The following LRRC7 variants were observed in gnomAD, a reference collection of about 807,000 sequenced individuals.
The protein encoded by LRRC7 is leucine-rich repeat-containing protein 7.
LRRC7 carries 23 observed loss-of-function variants against 175.7 expected under a neutral mutation model. The ratio of observed to expected loss-of-function variants is 0.13; its 90% CI spans 0.09 to 0.19. LRRC7 has a LOEUF of 0.19. Among genes scored for constraint, LRRC7 ranks in the 10% least tolerant of loss-of-function variants. LRRC7 has a pLI of 1.00. For missense variants in LRRC7, 1,354 were observed against 1,904.7 expected (o/e 0.71, Z 5.38); for synonymous variants, 685 against 680.9 (o/e 1.01, Z -0.09).
chr1:69,892,960 G>T (rs11579093), intron 7 of LRRC7, among the ~76,000 whole-genome samples: 2 of 151,880 alleles, frequency 1.3e-5, no homozygotes, highest in South Asian at 4.1e-4. Context: ...TTACCTCCAA[G>T]GCACTTGATT....
Position 69,834,705 on chromosome 1 carries a change from C to T in LRRC7, c.501-75C>T, listed in dbSNP as rs1680914453. On this transcript the variant is annotated intron_variant, in intron 5 of 26. Coordinates refer to ENST00000651989, the MANE Select transcript of LRRC7 (RefSeq NM_001370785.2). ...GTATTACATTTCTATTTTTTCTCCTCAGAGATACATATTTTTTTTGTTCTG... is the reference window on the plus strand; with the variant it reads ...GTATTACATTTCTATTTTTTCTCCTTAGAGATACATATTTTTTTTGTTCTG... 5 of 1,069,300 alleles carry T rather than the reference C, an allele frequency of 4.7e-6. No homozygotes were observed. The Admixed American group carries it at 7.6e-5, about 16-fold the overall frequency. 66.2% of individuals were successfully genotyped at this position (1,069,300 alleles called of 1,614,324 possible).
At chr1:69,682,818 T>A (rs1051025477) in intron 2 of LRRC7, among the ~76,000 whole-genome samples, 1 of 152,166 alleles carries the variant, frequency 6.6e-6, no homozygotes, top group Non-Finnish European at 1.5e-5. Context: ...TTCCTGATTT[T>A]TCTATAGTCC....
intron 3 of LRRC7, among the ~76,000 whole-genome samples, chr1:69,762,594 A>T (rs1007053395): frequency 3.3e-5 from 5 of 151,968 alleles, no homozygotes; most frequent in Non-Finnish European, 7.4e-5. Context: ...GGCAATATGT[A>T]GGGAGACTGG....
intron 7 of LRRC7, among the ~76,000 whole-genome samples, chr1:69,928,114 C>T (rs1471719704): frequency 6.6e-6 from 1 of 152,170 alleles, no homozygotes; most frequent in Non-Finnish European, 1.5e-5. Context: ...GGCTGCACAA[C>T]AGCGGATTTT....
intron 2 of LRRC7, among the ~76,000 whole-genome samples, chr1:69,743,306 T>C (rs887846409): frequency 7.2e-5 from 11 of 151,844 alleles, no homozygotes; most frequent in African/African-American, 2.4e-4. Flanking sequence ...CCTGAGGAAG[T>C]TGGGAAAGAT....
At chr1:69,609,168 T>C (rs1276982898) in intron 1 of LRRC7, among the ~76,000 whole-genome samples, 1 of 151,674 alleles carries the variant, frequency 6.6e-6, no homozygotes, top group East Asian at 1.9e-4. Flanking sequence ...GACTCCACAA[T>C]TTGACCTTGG....
chr1:69,603,272 AT>A (rs1557467603), intron 1 of LRRC7, among the ~76,000 whole-genome samples: 1 of 152,180 alleles, frequency 6.6e-6, no homozygotes, highest in Non-Finnish European at 1.5e-5. Flanking sequence ...ACTTGGTCAT[AT>A]TTTTTGAGGC....
At chr1:69,689,604 A>C (rs962455151) in intron 2 of LRRC7, among the ~76,000 whole-genome samples, 2 of 152,148 alleles carry the variant, frequency 1.3e-5, no homozygotes, top group African/African-American at 4.8e-5. Context: ...CATTCATTCC[A>C]GTCTTCCCCA....
At position 69,834,860 on chromosome 1, in the gene LRRC7, A is replaced by C. The variant is rs754441917; in HGVS notation, c.581A>C (p.Asn194Thr). 6.2e-7 allele frequency: 1 copy of C among 1,612,266 alleles called. No individual in the cohort carries two copies. The highest frequency in any genetic ancestry group is 1.7e-4 in the Middle Eastern group (1 of 6,050). The part of the protein sequence containing the change: ...NDAFLEFLPA[N>T]FGRLVKLRIL... ...GCCTTTCTTGAATTTCTTCCAGCCA[A>C]TTTTGGAAGGTAAGAATAAGAAATT... Residue 194 changes from asparagine to threonine, a missense_variant, in exon 6 of 27, where the codon AAT becomes ACT. Asn to Thr is a moderately conservative substitution (Grantham distance 65). Coordinates refer to ENST00000651989, the MANE Select transcript of LRRC7 (RefSeq NM_001370785.2).
At chr1:70,019,702 T>C (rs1310357455) in intron 15 of LRRC7, among the ~76,000 whole-genome samples, 1 of 151,980 alleles carries the variant, frequency 6.6e-6, no homozygotes, top group Non-Finnish European at 1.5e-5. Context: ...ATATTTTTCT[T>C]TAAATTTTGT....
chr1:69,701,195 AC>A (rs567474170), intron 2 of LRRC7, among the ~76,000 whole-genome samples: 181 of 152,348 alleles, frequency 1.2e-3, no homozygotes, highest in African/African-American at 4.2e-3. Context: ...CATATAAGGT[AC>A]TAAAAAGTAC....
At chr1:69,819,732 A>G (rs1679047090) in intron 4 of LRRC7, among the ~76,000 whole-genome samples, 1 of 151,860 alleles carries the variant, frequency 6.6e-6, no homozygotes, top group Admixed American at 6.6e-5. Flanking sequence ...AGGTTATCTG[A>G]TATTGGGTGC....
At chr1:69,832,977 T>C (rs1319387637) in intron 5 of LRRC7, among the ~76,000 whole-genome samples, 1 of 151,906 alleles carries the variant, frequency 6.6e-6, no homozygotes, top group African/African-American at 2.4e-5. Flanking sequence ...TGGTGGCAGG[T>C]GCCTGTGATC....
intron 18 of LRRC7, 152 bp from the exon 19 acceptor site, chr1:70,035,969 G>A: frequency 1.8e-6 from 1 of 543,372 alleles, no homozygotes; most frequent in South Asian, 2.6e-5. Context: ...GCTTAACTCA[G>A]AGATACATAT....
rs564761221 is a variant in LRRC7, at chr1:69,778,604, T to C, written c.304-13439T>C. Among the ~76,000 whole-genome samples the C allele has an allele frequency of 3.9e-5, 6 of 152,188 alleles. No homozygotes were observed. In the South Asian group the frequency reaches 1.2e-3, roughly 32 times the overall value. On this transcript the variant is annotated intron_variant, in intron 3 of 26. Transcript: ENST00000651989. ...AAGACAAGACTAGAGCACAATCTAATTGGGTTTTTAGATTAGAAATGGAAC... is the reference window on the plus strand; with the variant it reads ...AAGACAAGACTAGAGCACAATCTAACTGGGTTTTTAGATTAGAAATGGAAC...
intron 1 of LRRC7, among the ~76,000 whole-genome samples, chr1:69,663,267 G>GTA (rs1657751014): frequency 8.6e-6 from 1 of 116,156 alleles, no homozygotes; most frequent in East Asian, 2.0e-4. Flanking sequence ...CAGATGTGCT[G>GTA]TAGTATGTAA....
intron 1 of LRRC7, among the ~76,000 whole-genome samples, chr1:69,629,493 G>A (rs999641758): frequency 1.3e-5 from 2 of 152,064 alleles, no homozygotes; most frequent in African/African-American, 2.4e-5. Context: ...GTACACTTAA[G>A]CATCCCACTC....
At chr1:70,053,182 C>A (rs201260256) in intron 23 of LRRC7, 37 bp downstream of exon 23, 2 of 1,551,322 alleles carry the variant, frequency 1.3e-6, no homozygotes, top group Non-Finnish European at 1.7e-6. Flanking sequence ...AACCATGAAC[C>A]TTGCACAATC....
chr1:70,018,290 T>G (rs1310244109), intron 14 of LRRC7, among the ~76,000 whole-genome samples: 1 of 152,080 alleles, frequency 6.6e-6, no homozygotes, highest in Non-Finnish European at 1.5e-5. Flanking sequence ...AATAAGTGAA[T>G]GCTGTTTTAA....
Sources: allele counts gnomAD v4.1 joint callset (sites outside exome capture counted in the v4.1 genomes callset), GRCh38; gene constraint gnomAD v4.1.1; transcripts MANE v1.5; gene names NCBI Gene and HGNC (gene_info 2026-07-23, HGNC 2026-07-21).